The following BMERB1 variants were observed in gnomAD, a reference collection of about 807,000 sequenced individuals.
The protein encoded by BMERB1 is bMERB domain containing 1.
In BMERB1, 12 loss-of-function variants were observed where a neutral mutation model predicts 23.6. The ratio of observed to expected loss-of-function variants is 0.51; its 90% CI spans 0.33 to 0.82. The LOEUF (loss-of-function observed/expected upper bound fraction) is 0.82. Ranked by LOEUF, BMERB1 falls within the 40% of genes least tolerant of loss-of-function variation. The pLI is 0.03. For synonymous variants in BMERB1, 122 were observed against 96.6 expected (o/e 1.26, Z -1.54); for missense variants, 247 against 255.4 (o/e 0.97, Z 0.22).
intron 1 of BMERB1, among the ~76,000 whole-genome samples, chr16:15,456,512 T>G (rs2051088768): frequency 6.6e-6 from 1 of 152,032 alleles, no homozygotes; most frequent in Non-Finnish European, 1.5e-5. Context: ...ACTTTTTGTA[T>G]TTTTTAGTAG....
rs567787103 is a variant in BMERB1 at position 15,519,770 on chromosome 16, T to C, written c.230+4342T>C. Among the ~76,000 whole-genome samples, 69 of 152,292 alleles carry C rather than the reference T, an allele frequency of 4.5e-4. 1 individual carries two copies. The highest frequency in any genetic ancestry group is 1.6e-3 in the African/African-American group (66 of 41,568). ...GCACCCTCACATTTAGATTATTTCA[T>C]GGGCTTCCTTTTTCTCAGCTGATTT... On this transcript the variant is annotated intron_variant, in intron 2 of 5. Transcript: ENST00000300006.
intron 2 of BMERB1, among the ~76,000 whole-genome samples, chr16:15,532,374 G>A (rs1186545867): frequency 2.0e-5 from 3 of 151,320 alleles, no homozygotes; most frequent in African/African-American, 4.9e-5. Context: ...TGGGATTACA[G>A]GCACCCGCCA....
At chr16:15,495,175 C>T (rs1482583687) in intron 1 of BMERB1, among the ~76,000 whole-genome samples, 1 of 151,720 alleles carries the variant, frequency 6.6e-6, no homozygotes, top group Non-Finnish European at 1.5e-5. Context: ...TGAGCCATCA[C>T]GCCCGGCCTA....
chr16:15,576,570 G>A (rs767735563), intron 3 of BMERB1, among the ~76,000 whole-genome samples: 5 of 152,120 alleles, frequency 3.3e-5, no homozygotes, highest in Non-Finnish European at 5.9e-5. Flanking sequence ...TCCCAGAGCT[G>A]CCTAACAAAT....
At chr16:15,523,682 A>G (rs922371859) in intron 2 of BMERB1, among the ~76,000 whole-genome samples, 5 of 152,060 alleles carry the variant, frequency 3.3e-5, no homozygotes, top group Non-Finnish European at 7.4e-5. Context: ...TACAAGGGGG[A>G]CAGTGATATC....
intron 1 of BMERB1, among the ~76,000 whole-genome samples, chr16:15,457,925 A>G (rs1395635537): frequency 1.3e-5 from 2 of 152,212 alleles, no homozygotes; most frequent in Admixed American, 1.3e-4. Context: ...ACAGGGCAGT[A>G]GAAGAGAAAG....
At chr16:15,494,885 T>A (rs1282822131) in intron 1 of BMERB1, among the ~76,000 whole-genome samples, 1 of 142,066 alleles carries the variant, frequency 7.0e-6, no homozygotes, top group African/African-American at 2.6e-5. Context: ...ATCTTTTTTT[T>A]TTTTTTTTTT....
chr16:15,514,831 A>T (rs1385718021), intron 1 of BMERB1, among the ~76,000 whole-genome samples: 1 of 152,198 alleles, frequency 6.6e-6, no homozygotes, highest in Non-Finnish European at 1.5e-5. Context: ...CTGTAATCCC[A>T]GCACTTTGGG....
intron 1 of BMERB1, among the ~76,000 whole-genome samples, chr16:15,462,683 T>C (rs940618614): frequency 6.6e-6 from 1 of 152,142 alleles, no homozygotes; most frequent in Non-Finnish European, 1.5e-5. Flanking sequence ...TTCAAGAGTC[T>C]GAGAGAAGGC....
intron 3 of BMERB1, among the ~76,000 whole-genome samples, chr16:15,571,585 A>G (rs2030728966): frequency 6.6e-6 from 1 of 152,008 alleles, no homozygotes; most frequent in African/African-American, 2.4e-5. Context: ...CGATCTCCTG[A>G]CCTCATGATC....
chr16:15,449,939 A>G (rs2051027645), intron 1 of BMERB1, among the ~76,000 whole-genome samples: 1 of 151,010 alleles, frequency 6.6e-6, no homozygotes, highest in Non-Finnish European at 1.5e-5. Context: ...TTTGGTAGAG[A>G]TGGGGTCTCA....
intron 2 of BMERB1, among the ~76,000 whole-genome samples, chr16:15,534,885 T>G (rs1391615595): frequency 6.6e-6 from 1 of 152,214 alleles, no homozygotes; most frequent in Non-Finnish European, 1.5e-5. Context: ...CCCAGGTGTT[T>G]GTCAAGCCAT....
intron 1 of BMERB1, among the ~76,000 whole-genome samples, chr16:15,489,047 T>C (rs941925910): frequency 6.6e-6 from 1 of 152,280 alleles, no homozygotes; most frequent in African/African-American, 2.4e-5. Context: ...TCAGGGTTTC[T>C]TTTCCCCCAG....
chr16:15,533,450 A>G (rs1168310054), intron 2 of BMERB1, among the ~76,000 whole-genome samples: 3 of 148,818 alleles, frequency 2.0e-5, no homozygotes, highest in Non-Finnish European at 3.0e-5. Context: ...GCTGGAGTGC[A>G]GTGGTTCAAT....
chr16:15,553,840 G>C (rs891735472), intron 2 of BMERB1, among the ~76,000 whole-genome samples: 5 of 152,112 alleles, frequency 3.3e-5, no homozygotes, highest in Non-Finnish European at 5.9e-5. Flanking sequence ...GAAGGTCAAA[G>C]GGAGAGTGCA....
At chr16:15,456,216 T>C (rs886481170) in intron 1 of BMERB1, among the ~76,000 whole-genome samples, 1 of 152,192 alleles carries the variant, frequency 6.6e-6, no homozygotes, top group African/African-American at 2.4e-5. Context: ...GTTGGACATA[T>C]GTTAACACAT....
chr16:15,525,722 A>T (rs1278389832), intron 2 of BMERB1, among the ~76,000 whole-genome samples: 1 of 152,002 alleles, frequency 6.6e-6, no homozygotes, highest in Non-Finnish European at 1.5e-5. Context: ...AAAAAAAGAA[A>T]AAAGAAAAGA....
chr16:15,482,859 A>G (rs1488424005), intron 1 of BMERB1, among the ~76,000 whole-genome samples: 1 of 152,164 alleles, frequency 6.6e-6, no homozygotes, highest in African/African-American at 2.4e-5. Context: ...CAAGCTTTAC[A>G]TGCGTTGTCT....
intron 1 of BMERB1, among the ~76,000 whole-genome samples, chr16:15,495,253 C>G (rs2051462529): frequency 6.6e-6 from 1 of 152,060 alleles, no homozygotes; most frequent in Non-Finnish European, 1.5e-5. Flanking sequence ...TTGCCTGTTG[C>G]CAGGCTGGAG....
Sources: allele counts gnomAD v4.1 joint callset (sites outside exome capture counted in the v4.1 genomes callset), GRCh38; gene constraint gnomAD v4.1.1; transcripts MANE v1.5; gene names NCBI Gene and HGNC (gene_info 2026-07-23, HGNC 2026-07-21).